The following EFCAB6 variants were observed in gnomAD, a reference collection of about 807,000 sequenced individuals.
EFCAB6 encodes the protein EF-hand calcium-binding domain-containing protein 6.
Under a neutral mutation model 169.8 loss-of-function variants are expected in EFCAB6, and 156 were observed. The observed-to-expected ratio is 0.92, with a 90% CI of 0.81 to 1.05. The LOEUF (loss-of-function observed/expected upper bound fraction) is 1.05. Ranked by LOEUF, EFCAB6 falls within the 50% of genes least tolerant of loss-of-function variation. The pLI is 0.00. For synonymous variants in EFCAB6, 698 were observed against 676.4 expected, an observed-to-expected ratio of 1.03 and a Z score of -0.50; for missense variants, 1,800 against 1,829.1, an observed-to-expected ratio of 0.98 and a Z score of 0.29.
intron 2 of EFCAB6, among the ~76,000 whole-genome samples, chr22:43,807,224 G>A (rs997343623): frequency 6.6e-6 from 1 of 152,202 alleles, no homozygotes; most frequent in African/African-American, 2.4e-5. Flanking sequence ...GATTTTGAAA[G>A]CTAAACAAGG....
At chr22:43,636,612 T>TTC (rs1329688946) in intron 17 of EFCAB6, among the ~76,000 whole-genome samples, 7 of 147,158 alleles carry the variant, frequency 4.8e-5, no homozygotes, top group African/African-American at 1.5e-4. Context: ...TTCTTTTCTT[T>TTC]TTTTTTTTTT....
chr22:43,776,928 A>T (rs1478413475), intron 3 of EFCAB6, among the ~76,000 whole-genome samples: 1 of 152,186 alleles, frequency 6.6e-6, no homozygotes, highest in South Asian at 2.1e-4. Flanking sequence ...AGAATGGATT[A>T]TAGGGGGCAA....
intron 6 of EFCAB6, among the ~76,000 whole-genome samples, chr22:43,749,590 G>T (rs2060682942): frequency 6.6e-6 from 1 of 151,992 alleles, no homozygotes; most frequent in Admixed American, 6.5e-5. Flanking sequence ...GCTCCTATGA[G>T]AAGCTAATGC....
At chr22:43,532,662 T>C (rs1224952916) in intron 30 of EFCAB6, among the ~76,000 whole-genome samples, 1 of 152,078 alleles carries the variant, frequency 6.6e-6, no homozygotes, top group East Asian at 1.9e-4. Context: ...TAGGCTAAGA[T>C]GGAACCTGAT....
In EFCAB6 at chr22:43,629,524, T is replaced by A. The variant is rs140113692; in HGVS notation, c.2232+2581A>T. Among the ~76,000 whole-genome samples the A allele has an allele frequency of 3.0e-3, 461 of 152,330 alleles. 3 individuals carry two copies. The Middle Eastern group carries it at 0.034, about 11-fold the overall frequency. ...AGCAAATACAAATCGGTCATGTGCA[T>A]TGTGGCAGGCACTGTGGCAGCCCCT... On this transcript the variant is annotated intron_variant, in intron 19 of 31. Transcript: ENST00000262726.
chr22:43,686,144 GCTAATTT>G (rs1311450687), intron 11 of EFCAB6, among the ~76,000 whole-genome samples: 1 of 151,960 alleles, frequency 6.6e-6, no homozygotes, highest in Non-Finnish European at 1.5e-5. Context: ...ACCACGCCTG[GCTAATTT>G]TGTATTTTAG....
intron 5 of EFCAB6, among the ~76,000 whole-genome samples, chr22:43,757,499 A>G (rs1207402336): frequency 6.6e-6 from 1 of 152,014 alleles, no homozygotes; most frequent in African/African-American, 2.4e-5. Flanking sequence ...GTGAGCCGAG[A>G]TCACACCGTT....
chr22:43,682,595 G>A (rs1157165637), intron 12 of EFCAB6, among the ~76,000 whole-genome samples: 1 of 152,202 alleles, frequency 6.6e-6, no homozygotes, highest in Non-Finnish European at 1.5e-5. Context: ...CAGTGCTGGA[G>A]TGTGGCTGCT....
intron 17 of EFCAB6, among the ~76,000 whole-genome samples, chr22:43,636,168 G>T (rs1482250253): frequency 1.3e-5 from 2 of 152,214 alleles, no homozygotes; most frequent in African/African-American, 2.4e-5. Flanking sequence ...GGCTTTCTAG[G>T]AGAACTGGGT....
At chr22:43,778,568 A>C (rs2061710085) in intron 3 of EFCAB6, among the ~76,000 whole-genome samples, 1 of 150,656 alleles carries the variant, frequency 6.6e-6, no homozygotes, top group Admixed American at 6.6e-5. Flanking sequence ...CTCCCATGAA[A>C]CCCCCCAAAA....
rs182532827 is a variant in EFCAB6 at position 43,744,629 on chromosome 22, G to A, written c.508-8636C>T. ...CTGGACCACCAGGAGTGGGAGCTGA[G>A]GGGGTCCAGAGGGGGCTAAGTCAGG... On this transcript the variant is annotated intron_variant, in intron 6 of 31. Coordinates refer to ENST00000262726, the MANE Select transcript of EFCAB6 (RefSeq NM_022785.4). This position sits in a 1 kb window ranked among gnomAD's most constrained non-coding sequence, Gnocchi z 4.3. Among the ~76,000 whole-genome samples the A allele has an allele frequency of 6.6e-6, 1 of 152,246 alleles. No individual in the cohort carries two copies. Among genetic ancestry groups the A allele is most frequent in the Admixed American group, 6.5e-5 (1 of 15,308 alleles).
intron 17 of EFCAB6, among the ~76,000 whole-genome samples, chr22:43,653,757 G>T (rs935341617): frequency 6.6e-6 from 1 of 152,048 alleles, no homozygotes. Context: ...GAGAGGGAGC[G>T]ATTTCTAGTG....
At chr22:43,545,132 G>A (rs909537335) in intron 27 of EFCAB6, among the ~76,000 whole-genome samples, 1 of 151,880 alleles carries the variant, frequency 6.6e-6, no homozygotes, top group Non-Finnish European at 1.5e-5. Flanking sequence ...GGGCAACAGA[G>A]TGAGACTCCA....
intron 23 of EFCAB6, among the ~76,000 whole-genome samples, chr22:43,596,833 C>T (rs2052048996): frequency 6.6e-6 from 1 of 152,128 alleles, no homozygotes; most frequent in Non-Finnish European, 1.5e-5. Context: ...AGGCATCACG[C>T]TACCTGATTT....
intron 26 of EFCAB6, among the ~76,000 whole-genome samples, chr22:43,556,896 A>G (rs137162): frequency 0.74 from 112,784 of 152,172 alleles, 41,946 homozygotes; most frequent in Admixed American, 0.8. Context: ...TGCATTTTGA[A>G]TATCTTTAGG....
rs770164858 is a variant in EFCAB6, at chr22:43,576,508, A to G, written c.3229-20T>C. ...AAATGCCTAAAAAGAAAGAAAAGAA[A>G]AAAAGATGGCAAATCCTGTCAAATG... On this transcript the variant is annotated intron_variant, in intron 25 of 31. Transcript: ENST00000262726. 3 of 1,508,530 alleles carry G rather than the reference A, an allele frequency of 2.0e-6. No homozygotes were observed. The highest frequency in any genetic ancestry group is 1.8e-6 in the Non-Finnish European group (2 of 1,136,842). 93.4% of individuals were successfully genotyped at this position (1,508,530 alleles called of 1,614,324 possible).
chr22:43,567,922 G>A (rs930942092), intron 26 of EFCAB6, among the ~76,000 whole-genome samples: 8 of 152,166 alleles, frequency 5.3e-5, no homozygotes, highest in African/African-American at 1.9e-4. Context: ...ATGCTCCTCC[G>A]ATTTCACCGA....
At position 43,800,793 on chromosome 22, in the gene EFCAB6, G is replaced by GA. The variant is rs200722717; in HGVS notation, c.-8+8201dup. ...GAAAACACACTCAGAGGAGAAAAAT[G>GA]AAAAAAAAGAATGAAAAGCAATGAA... On this transcript the variant is annotated intron_variant, in intron 2 of 31. Coordinates refer to ENST00000262726, the MANE Select transcript of EFCAB6 (RefSeq NM_022785.4). Among the ~76,000 whole-genome samples, 408 of 151,322 alleles carry GA rather than the reference G, an allele frequency of 2.7e-3. 3 individuals carry two copies. Among genetic ancestry groups the GA allele is most frequent in the East Asian group, 0.011 (58 of 5,156 alleles).
At chr22:43,764,416 C>T (rs2061261656) in intron 5 of EFCAB6, among the ~76,000 whole-genome samples, 1 of 152,204 alleles carries the variant, frequency 6.6e-6, no homozygotes, top group Non-Finnish European at 1.5e-5. Context: ...ATATGTACCA[C>T]ATTTTAAAAT....
Sources: allele counts gnomAD v4.1 joint callset (sites outside exome capture counted in the v4.1 genomes callset), GRCh38; gene constraint gnomAD v4.1.1; non-coding constraint Gnocchi (gnomAD v3.1); transcripts MANE v1.5; gene names NCBI Gene and HGNC (gene_info 2026-07-23, HGNC 2026-07-21).